The following DOP1B variants were observed in gnomAD, a reference collection of about 807,000 sequenced individuals.
DOP1B encodes protein DOP1B.
A neutral mutation model predicts 233.5 loss-of-function variants in DOP1B; 174 were observed. The observed-to-expected ratio is 0.75, with a 90% CI of 0.66 to 0.85. DOP1B has a LOEUF of 0.85. DOP1B is among the 40% of genes least tolerant of loss of function. The pLI is 0.00. For missense variants in DOP1B, 2,652 were observed against 2,846.6 expected, an observed-to-expected ratio of 0.93 and a Z score of 1.56; for synonymous variants, 1,190 against 1,185.6, an observed-to-expected ratio of 1.00 and a Z score of -0.08.
At chr21:36,219,343 GTC>G in intron 9 of DOP1B, 27 bp from the exon 10 acceptor site, 1 of 1,613,990 alleles carries the variant, frequency 6.2e-7, no homozygotes, top group Non-Finnish European at 8.5e-7. Flanking sequence ...TTGTTAATCT[GTC>G]TCTGACCATC....
At position 36,289,335 on chromosome 21, in the gene DOP1B, C is replaced by T. The variant is rs928861725; in HGVS notation, c.6515+129C>T. 5.2e-6 allele frequency: 5 copies of T among 954,624 alleles called. No homozygotes were observed. In the African/African-American group the frequency reaches 8.4e-5, roughly 16 times the overall value. 59.1% of individuals were successfully genotyped at this position (954,624 alleles called of 1,614,324 possible). A position where few individuals can be genotyped will look rare whatever the true frequency, so the allele number is the denominator to read the frequency against. ...ATCTGGGTTTCTAGTGACAGCTAAG[C>T]CAGCTCGGAATACCAAGTTTCAGAT... On this transcript the variant is annotated intron_variant, in intron 35 of 36. Transcript: ENST00000691173.
At chr21:36,257,648 T>G (rs1190679344) in intron 23 of DOP1B, among the ~76,000 whole-genome samples, 1 of 146,332 alleles carries the variant, frequency 6.8e-6, no homozygotes, top group Non-Finnish European at 1.5e-5. Flanking sequence ...ATAGAAGTAG[T>G]TAGGTAAATA....
At chr21:36,272,751 G>A (rs974447727) in intron 27 of DOP1B, among the ~76,000 whole-genome samples, 10 of 151,478 alleles carry the variant, frequency 6.6e-5, no homozygotes, top group East Asian at 1.9e-4. Context: ...TTGGGAGGCC[G>A]AGGTGGGCGG....
chr21:36,287,713 A>G lies in DOP1B; in HGVS notation c.6161-301A>G, dbSNP rs12329696. Among the ~76,000 whole-genome samples the G allele has an allele frequency of 0.26, 39,535 of 149,742 alleles. 5,385 individuals are homozygous for G. Among genetic ancestry groups the G allele is most frequent in the Middle Eastern group, 0.37 (105 of 286 alleles). ...GCGATTCTCCTGCCTCAGCCTCCCA[A>G]GTAGCTGGGACTACAGGCGCCCACC... is the stretch of plus-strand genomic sequence containing the variant. On this transcript the variant is annotated intron_variant, in intron 32 of 36. Coordinates refer to ENST00000691173, the MANE Select transcript of DOP1B (RefSeq NM_001320714.2).
chr21:36,265,133 C>T (rs959638648), intron 26 of DOP1B, among the ~76,000 whole-genome samples: 8 of 152,168 alleles, frequency 5.3e-5, no homozygotes, highest in Non-Finnish European at 7.4e-5. Flanking sequence ...CGGTGGCTCA[C>T]GCCTGCAATC....
At chr21:36,259,089 C>T (rs1183219734) in intron 23 of DOP1B, among the ~76,000 whole-genome samples, 4 of 151,302 alleles carry the variant, frequency 2.6e-5, no homozygotes, top group South Asian at 4.2e-4. Context: ...CCTCAGCCTC[C>T]CTAGTAGCTG....
intron 12 of DOP1B, 68 bp downstream of exon 12, chr21:36,225,735 G>A: frequency 1.3e-6 from 2 of 1,484,516 alleles, no homozygotes; most frequent in South Asian, 1.2e-5. Flanking sequence ...GTGATGGCCT[G>A]CTTTATCAAC....
chr21:36,176,097 C>CATGTGTGTGCGTATGTGTGTGTGT (rs1555886144), intron 2 of DOP1B, among the ~76,000 whole-genome samples: 1 of 141,744 alleles, frequency 7.1e-6, no homozygotes, highest in Non-Finnish European at 1.6e-5. Flanking sequence ...GGTGTGTGTG[C>CATGTGTGTGCGTATGTGTGTGTGT]GTGTGTGTGT....
rs1370992712 is a variant in DOP1B, at chr21:36,284,285, T to TTTTA, written c.6160+2677_6160+2678insATTT. On this transcript the variant is annotated intron_variant, in intron 32 of 36. Coordinates refer to ENST00000691173, the MANE Select transcript of DOP1B (RefSeq NM_001320714.2). ...TCTTTCTTTTTTTTTTTTTTTTTTT[T>TTTTA]TTTGAGACGGAGTCTCGCTCTGTCG... 3.4e-5 allele frequency among the ~76,000 whole-genome samples: 4 copies of TTTTA among 118,650 alleles called. 1 individual carries two copies. Among genetic ancestry groups the TTTTA allele is most frequent in the Non-Finnish European group, 7.1e-5 (4 of 56,542 alleles). 77.8% of individuals were successfully genotyped at this position (118,650 alleles called of 152,430 possible).
chr21:36,262,860 C>T (rs1325757639), intron 24 of DOP1B, among the ~76,000 whole-genome samples: 1 of 151,662 alleles, frequency 6.6e-6, no homozygotes, highest in Non-Finnish European at 1.5e-5. Flanking sequence ...CACTGCACTC[C>T]AGCCTGGGTG....
chr21:36,251,380 T>C, intron 22 of DOP1B, 96 bp downstream of exon 22: 5 of 1,467,908 alleles, frequency 3.4e-6, no homozygotes, highest in Non-Finnish European at 4.5e-6. Context: ...GAAGCCAGCA[T>C]GGGAAACTAT....
Position 36,271,356 on chromosome 21 carries a change from C to G in DOP1B, c.5632+1199C>G, listed in dbSNP as rs553816485. 4.6e-5 allele frequency among the ~76,000 whole-genome samples: 7 copies of G among 151,652 alleles called. No homozygotes were observed. In the East Asian group the frequency reaches 5.8e-4, roughly 13 times the overall value. ...TGGCGTCATCTTGGCTCACTGCAAC[C>G]TCCGCCTCCCTGGTTCAAGCCATTC... On this transcript the variant is annotated intron_variant, in intron 27 of 36. Transcript: ENST00000691173.
intron 24 of DOP1B, among the ~76,000 whole-genome samples, chr21:36,263,033 G>A (rs1224712650): frequency 3.3e-5 from 5 of 151,836 alleles, no homozygotes; most frequent in African/African-American, 4.8e-5. Context: ...TCGGGAGTTC[G>A]AGATCAGCCT....
chr21:36,223,248 G>A lies in DOP1B; in HGVS notation c.1268G>A (p.Arg423Lys), dbSNP rs866075140. 6.2e-7 allele frequency: 1 copy of A among 1,604,614 alleles called. No homozygotes were observed. The highest frequency in any genetic ancestry group is 1.3e-5 in the African/African-American group (1 of 74,380). The stretch of plus-strand genomic sequence containing the variant: ...TTTTACAGTGCAATCAAGGAAAACA[G>A]AAATGCCTCTGAGATTGTCAAAACG... ...NSLISAIKEN[R>K]NASEIVKTVN... The change falls in exon 11 of 37, where the codon AGA (arginine) becomes AAA (lysine). Residue 423 changes from arginine to lysine, a missense_variant. By Grantham distance (26) the Arg-to-Lys change is conservative. This residue lies in a region of DOP1B where 2,617 missense variants were observed against 2,794.3 expected (regional missense o/e 0.94). Transcript: ENST00000691173.
chr21:36,170,204 G>C, intron 2 of DOP1B: 1 of 431,440 alleles, frequency 2.3e-6, no homozygotes. Context: ...TCCACCGGTA[G>C]AGCTCTCCCT....
In DOP1B at chr21:36,245,739, C is replaced by T. The variant is rs1402184903; in HGVS notation, c.3759C>T (p.Thr1253=). ...CGGTGCTGGAGGCTGTGCTCAAAAC[C>T]AACCCTAAGGAATTCATCGAGGCTG... ...AFSVLEAVLK[T]NPKEFIEAVS... Residue 1253 remains threonine, a synonymous_variant, in exon 19 of 37, where the codon ACC becomes ACT. Transcript: ENST00000691173. The surrounding 1 kb of genome is among the most constrained non-coding windows in gnomAD (Gnocchi z 5.5). 1.2e-6 allele frequency: 2 copies of T among 1,613,988 alleles called. No individual in the cohort carries two copies. Among genetic ancestry groups the T allele is most frequent in the Non-Finnish European group, 1.7e-6 (2 of 1,179,992 alleles).
intron 27 of DOP1B, among the ~76,000 whole-genome samples, chr21:36,276,568 C>T (rs959003219): frequency 6.6e-6 from 1 of 151,748 alleles, no homozygotes; most frequent in Non-Finnish European, 1.5e-5. Flanking sequence ...TGGCCAGGCA[C>T]GGTGGCTCAC....
chr21:36,160,770 A>G (rs1017085332), intron 1 of DOP1B, among the ~76,000 whole-genome samples: 2 of 151,976 alleles, frequency 1.3e-5, no homozygotes, highest in Non-Finnish European at 1.5e-5. Context: ...GAGCCACTGC[A>G]CCTGGCCTTA....
chr21:36,258,510 C>G (rs912026010), intron 23 of DOP1B, among the ~76,000 whole-genome samples: 1 of 152,126 alleles, frequency 6.6e-6, no homozygotes, highest in Admixed American at 6.5e-5. Context: ...CCAATCATCA[C>G]ACTAATGAAC....
Sources: allele counts gnomAD v4.1 joint callset (sites outside exome capture counted in the v4.1 genomes callset), GRCh38; gene constraint gnomAD v4.1.1; regional missense constraint gnomAD v4.1.1; non-coding constraint Gnocchi (gnomAD v3.1); transcripts MANE v1.5; gene names NCBI Gene and HGNC (gene_info 2026-07-23, HGNC 2026-07-21).